The following SPAG5 variants were observed in gnomAD, a reference collection of about 807,000 sequenced individuals.
The protein encoded by SPAG5 is sperm associated antigen 5, also known as sperm-associated antigen 5.
Under a neutral mutation model 145.4 loss-of-function variants are expected in SPAG5, and 99 were observed. That is an observed-to-expected ratio of 0.68 (90% CI 0.58 to 0.80). The LOEUF is 0.80. Among genes scored for constraint, SPAG5 ranks in the 30% least tolerant of loss-of-function variants. The pLI is 0.00. For synonymous variants in SPAG5, 477 were observed against 525.4 expected (o/e 0.91, Z 1.26); for missense variants, 1,192 against 1,416.0 (o/e 0.84, Z 2.54).
intron 16 of SPAG5, 64 bp from the exon 17 acceptor site, chr17:28,579,901 T>G: frequency 5.1e-6 from 8 of 1,562,878 alleles, no homozygotes; most frequent in Non-Finnish European, 7.1e-6. Flanking sequence ...TCTACCATAA[T>G]GGAAGCCAGG....
Position 28,584,556 on chromosome 17 carries a change from T to C in SPAG5, c.2162-76A>G, listed in dbSNP as rs558247599. ...CCCCAAACTTCTGCTCCAAAGCAAG[T>C]GCTCCTGAGTACTTCCTTGCTCTAG... On this transcript the variant is annotated intron_variant, in intron 11 of 23. Coordinates refer to ENST00000321765, the MANE Select transcript of SPAG5 (RefSeq NM_006461.4). The C allele has an allele frequency of 2.6e-5, 41 of 1,607,798 alleles. No homozygotes were observed. The African/African-American group carries it at 4.9e-4, about 19-fold the overall frequency.
At position 28,577,705 on chromosome 17, in the gene SPAG5, C is replaced by G; in HGVS notation, c.3576G>C (p.Leu1192=). 6.2e-7 allele frequency: 1 copy of G among 1,612,864 alleles called. No individual in the cohort carries two copies. Residue 1192 remains leucine (L), a synonymous_variant, in exon 24 of 24, where the codon CTG becomes CTC. Coordinates refer to ENST00000321765, the MANE Select transcript of SPAG5 (RefSeq NM_006461.4). ...GATTCTGGCTTTCAGTTTCTTAGCT[C>G]AGAAATTCCAGCAATCCCTGTAGTT... The part of the protein sequence containing the change: ...CKELQGLLEF[L]S
rs775782342 is a variant in SPAG5 at position 28,593,062 on chromosome 17, C to T, written c.182G>A (p.Gly61Asp). The T allele has an allele frequency of 1.2e-6, 2 of 1,612,120 alleles. No individual in the cohort carries two copies. The change falls in exon 3 of 24, where the codon GGC (glycine) becomes GAC (aspartate). Residue 61 changes from glycine to aspartate, a missense_variant. Around this residue, in one of 5 missense-constraint regions of SPAG5, gnomAD observed 329 missense variants for 354.0 expected, o/e 0.93. Coordinates refer to ENST00000321765, the MANE Select transcript of SPAG5 (RefSeq NM_006461.4). ...PSLCKLGLQEGSNNSSPVDFV... is the reference protein window; with the variant it reads ...PSLCKLGLQEDSNNSSPVDFV... ...ATCCACTGGAGATGAGTTGTTGCTG[C>T]CTTCCTGCCAAAGGAAACAAAAGTA...
intron 17 of SPAG5, 72 bp downstream of exon 17, chr17:28,579,679 A>T: frequency 6.7e-7 from 1 of 1,486,864 alleles, no homozygotes; most frequent in Non-Finnish European, 9.4e-7. Flanking sequence ...AGCACTTCTC[A>T]CTGCTTTCGT....
rs1182663746 is a variant in SPAG5, at chr17:28,578,257, T to C, written c.3390A>G (p.Lys1130=). The stretch of plus-strand genomic sequence containing the variant: ...TGATCATGAGTTTTTCCTTCTCATT[T>C]TTCATCTCCAGGAACATCACTCTCA... ...DKLRVMFLEM[K]NEKEKLMIKF... Residue 1130 remains lysine (K), a synonymous_variant, in exon 22 of 24, where the codon AAA becomes AAG. Transcript: ENST00000321765. 6.2e-7 allele frequency: 1 copy of C among 1,614,194 alleles called. No individual in the cohort carries two copies. The highest frequency in any genetic ancestry group is 1.1e-5 in the South Asian group (1 of 91,082).
chr17:28,583,425 G>A, intron 15 of SPAG5, 86 bp downstream of exon 15: 2 of 1,418,694 alleles, frequency 1.4e-6, no homozygotes, highest in East Asian at 4.7e-5. Flanking sequence ...AAAGGTCACA[G>A]TTAGAAAAAG....
chr17:28,584,563 G>T, intron 11 of SPAG5, 83 bp from the exon 12 acceptor site: 1 of 1,605,466 alleles, frequency 6.2e-7, no homozygotes, highest in Non-Finnish European at 8.5e-7. Flanking sequence ...AAGTGCTCCT[G>T]AGTACTTCCT....
chr17:28,598,387 G>A lies in SPAG5; in HGVS notation c.177+123C>T, dbSNP rs1288751495. ...TCTGTTGGCCTGAATAGCTGTAAAT[G>A]GATGTCACCGACGTAGAAGACTTCA... is the stretch of plus-strand genomic sequence containing the variant. On this transcript the variant is annotated intron_variant, in intron 2 of 23. Transcript: ENST00000321765. 3 of 1,219,480 alleles carry A rather than the reference G, an allele frequency of 2.5e-6. No homozygotes were observed. The African/African-American group carries it at 4.6e-5, about 19-fold the overall frequency. The allele number at this position is 1,219,480 out of a possible 1,614,324, so 75.5% of individuals were successfully genotyped here. A position where few individuals can be genotyped will look rare whatever the true frequency, so the allele number is the denominator to read the frequency against.
At chr17:28,595,162 G>A (rs780338543) in intron 2 of SPAG5, among the ~76,000 whole-genome samples, 3 of 151,570 alleles carry the variant, frequency 2.0e-5, no homozygotes, top group Admixed American at 1.3e-4. Flanking sequence ...GGAGGCTGAG[G>A]CAGGAGAATC....
rs764908058 is a variant in SPAG5, at chr17:28,598,520, A to G, written c.167T>C (p.Leu56Pro). ...CSSLTPSLCK[L>P]GLQEGSNNSS... Reference sequence around the variant, plus strand: ...CCAGGCGAATCTCACCTGCAGCCCCAGCTTGCACAGTGATGGGGTCAGCGA... The same window carrying G: ...CCAGGCGAATCTCACCTGCAGCCCCGGCTTGCACAGTGATGGGGTCAGCGA... The change falls in exon 2 of 24, where the codon CTG (leucine) becomes CCG (proline). Residue 56 changes from leucine to proline, a missense_variant. Transcript: ENST00000321765. 2.5e-6 allele frequency: 4 copies of G among 1,613,650 alleles called. No homozygotes were observed. Among genetic ancestry groups the G allele is most frequent in the Non-Finnish European group, 3.4e-6 (4 of 1,179,934 alleles).
rs1425665418 is a variant in SPAG5 at position 28,592,428 on chromosome 17, A to G, written c.816T>C (p.His272=). The part of the protein sequence containing the change: ...HVDPEEEIVE[H]GAMEEREMRF... Reference sequence around the variant, plus strand: ...TCATTTCTCTTTCCTCCATAGCTCCATGCTCTACAATTTCCTCCTCTGGGT... The same window carrying G: ...TCATTTCTCTTTCCTCCATAGCTCCGTGCTCTACAATTTCCTCCTCTGGGT... The change falls in exon 3 of 24, where the codon CAT becomes CAC. Residue 272 remains histidine (H), a synonymous_variant. Coordinates refer to ENST00000321765, the MANE Select transcript of SPAG5 (RefSeq NM_006461.4). 1.2e-6 allele frequency: 2 copies of G among 1,613,798 alleles called. No individual in the cohort carries two copies. The highest frequency in any genetic ancestry group is 1.7e-6 in the Non-Finnish European group (2 of 1,180,026).
chr17:28,577,855 G>C (rs899008401), intron 23 of SPAG5, 85 bp from the exon 24 acceptor site: 3 of 1,295,416 alleles, frequency 2.3e-6, no homozygotes, highest in African/African-American at 2.9e-5. Flanking sequence ...CGCTGAATTA[G>C]AGGGGAGAAA....
At chr17:28,593,368 A>G (rs954829535) in intron 2 of SPAG5, among the ~76,000 whole-genome samples, 10 of 152,062 alleles carry the variant, frequency 6.6e-5, no homozygotes, top group Non-Finnish European at 1.5e-5. Flanking sequence ...TCTGAACTCT[A>G]ACGCACTTCT....
At chr17:28,593,843 A>C (rs1482387519) in intron 2 of SPAG5, among the ~76,000 whole-genome samples, 4 of 152,172 alleles carry the variant, frequency 2.6e-5, no homozygotes, top group Non-Finnish European at 4.4e-5. Context: ...TAACTACAAC[A>C]TAAATACACA....
At chr17:28,588,095 A>G (rs775116580) in intron 4 of SPAG5, among the ~76,000 whole-genome samples, 7 of 152,186 alleles carry the variant, frequency 4.6e-5, no homozygotes, top group South Asian at 2.1e-4. Flanking sequence ...AGCACTGCTG[A>G]TTTCTTGGAG....
intron 1 of SPAG5, 90 bp downstream of exon 1, chr17:28,598,806 T>C (rs2070688296): frequency 8.4e-6 from 13 of 1,550,932 alleles, no homozygotes; most frequent in Non-Finnish European, 1.1e-5. Flanking sequence ...AACCCCGGGC[T>C]CGACCCAACT....
In SPAG5 at chr17:28,577,906, A is replaced by G. The variant is rs73278558; in HGVS notation, c.3510+104T>C. The G allele has an allele frequency of 3.2e-3, 3,937 of 1,226,812 alleles. 88 individuals carry two copies. In the African/African-American group the frequency reaches 0.051, roughly 16 times the overall value. The allele number at this position is 1,226,812 out of a possible 1,614,324, so 76.0% of individuals were successfully genotyped here. ...AAGCCTGCAATAGTGATTCAGGCCC[A>G]GCTCTCAGCACAGGCTGGGAACCAG... On this transcript the variant is annotated intron_variant, in intron 23 of 23. Transcript: ENST00000321765.
At chr17:28,582,238 G>C (rs1405860965) in intron 15 of SPAG5, among the ~76,000 whole-genome samples, 1 of 152,176 alleles carries the variant, frequency 6.6e-6, no homozygotes, top group Non-Finnish European at 1.5e-5. Flanking sequence ...CATTCCATAT[G>C]AGCAGCATCT....
rs981525445 is a variant in SPAG5, at chr17:28,598,498, G to C, written c.177+12C>G. 1.2e-6 allele frequency: 2 copies of C among 1,612,768 alleles called. No individual in the cohort carries two copies. The highest frequency in any genetic ancestry group is 1.7e-6 in the Non-Finnish European group (2 of 1,179,720). ...AACAGCCCAGTCGAGAAGCTGTCCA[G>C]GCGAATCTCACCTGCAGCCCCAGCT... is the stretch of plus-strand genomic sequence containing the variant. On this transcript the variant is annotated intron_variant, in intron 2 of 23. Coordinates refer to ENST00000321765, the MANE Select transcript of SPAG5 (RefSeq NM_006461.4).
Sources: gnomAD v4.1 joint callset for allele counts (sites outside exome capture counted in the v4.1 genomes callset) on GRCh38, gnomAD v4.1.1 for gene constraint, gnomAD v4.1.1 regional missense constraint, MANE v1.5 for transcripts, NCBI Gene and HGNC (gene_info 2026-07-23, HGNC 2026-07-21) for gene names.